The following LRRC4C variants were observed in gnomAD, a reference collection of about 807,000 sequenced individuals.
LRRC4C encodes leucine-rich repeat-containing protein 4C.
In LRRC4C, 5 loss-of-function variants were observed where a neutral mutation model predicts 33.6. The observed-to-expected ratio is 0.15, with a 90% confidence interval of 0.08 to 0.31. The LOEUF is 0.31. LRRC4C is among the 10% of genes least tolerant of loss of function. The probability of loss-of-function intolerance (pLI) is 1.00; values close to 1 mark genes in which losing one functional copy is unlikely to be tolerated. For missense variants in LRRC4C, 560 were observed against 796.7 expected (o/e 0.70, Z 3.58); for synonymous variants, 329 against 302.0 (o/e 1.09, Z -0.93).
chr11:40,593,158 C>T (rs1959135606), intron 3 of LRRC4C, among the ~76,000 whole-genome samples: 1 of 152,114 alleles, frequency 6.6e-6, no homozygotes, highest in Non-Finnish European at 1.5e-5. Flanking sequence ...GAGAGAGATG[C>T]TATGTAAATA....
At chr11:40,482,904 T>C (rs866094296) in intron 3 of LRRC4C, among the ~76,000 whole-genome samples, 18 of 152,338 alleles carry the variant, frequency 1.2e-4, no homozygotes, top group Non-Finnish European at 4.4e-5. Context: ...AGAGTAAATG[T>C]ACCTTCAATG....
intron 2 of LRRC4C, among the ~76,000 whole-genome samples, chr11:40,749,019 G>A (rs368354205): frequency 1.2e-4 from 18 of 151,976 alleles, no homozygotes; most frequent in East Asian, 5.8e-4. Flanking sequence ...GAGAGAGAGC[G>A]ACTGCAATGG....
chr11:41,176,942 G>T (rs535952723), intron 1 of LRRC4C, among the ~76,000 whole-genome samples: 18 of 152,108 alleles, frequency 1.2e-4, no homozygotes, highest in African/African-American at 4.1e-4. Flanking sequence ...TCCAGCCTGG[G>T]CGACAGAGTA....
intron 3 of LRRC4C, among the ~76,000 whole-genome samples, chr11:40,382,601 T>C (rs1948927088): frequency 6.6e-6 from 1 of 151,658 alleles, no homozygotes; most frequent in African/African-American, 2.4e-5. Context: ...ACGCAAGTAT[T>C]AAGTATAGCA....
At chr11:40,509,548 T>G (rs1314761209) in intron 3 of LRRC4C, among the ~76,000 whole-genome samples, 2 of 152,094 alleles carry the variant, frequency 1.3e-5, no homozygotes, top group East Asian at 3.9e-4. Context: ...GAAAGTCTAT[T>G]TTCACTTGTC....
At chr11:40,387,276 G>T (rs922217967) in intron 3 of LRRC4C, among the ~76,000 whole-genome samples, 1 of 151,772 alleles carries the variant, frequency 6.6e-6, no homozygotes, top group Non-Finnish European at 1.5e-5. Context: ...GATTTGAATG[G>T]GTTACCACTC....
intron 4 of LRRC4C, among the ~76,000 whole-genome samples, chr11:40,256,574 A>C (rs1180535850): frequency 6.6e-6 from 1 of 152,182 alleles, no homozygotes; most frequent in Non-Finnish European, 1.5e-5. Flanking sequence ...GAATGAATGA[A>C]CCAATAAATA....
intron 3 of LRRC4C, among the ~76,000 whole-genome samples, chr11:40,463,138 C>T (rs940472841): frequency 4.6e-5 from 7 of 151,990 alleles, no homozygotes; most frequent in Admixed American, 2.0e-4. Context: ...GATAAATTCT[C>T]GCAAGTTGCT....
At chr11:40,547,219 C>T (rs1956958968) in intron 3 of LRRC4C, among the ~76,000 whole-genome samples, 1 of 152,098 alleles carries the variant, frequency 6.6e-6, no homozygotes, top group African/African-American at 2.4e-5. Context: ...GTTATTTTGT[C>T]ACTGGCACCT....
intron 2 of LRRC4C, among the ~76,000 whole-genome samples, chr11:40,697,943 C>T (rs1194890940): frequency 6.6e-6 from 1 of 151,760 alleles, no homozygotes; most frequent in Non-Finnish European, 1.5e-5. Flanking sequence ...TGGCGGGCGC[C>T]TGTAGTCCCA....
At chr11:40,211,577 A>G (rs1023645460) in intron 5 of LRRC4C, among the ~76,000 whole-genome samples, 2 of 152,198 alleles carry the variant, frequency 1.3e-5, no homozygotes, top group Non-Finnish European at 2.9e-5. Context: ...ATTGTGTCCA[A>G]AGGTCATATT....
intron 1 of LRRC4C, among the ~76,000 whole-genome samples, chr11:41,138,842 T>C (rs995254082): frequency 1.3e-5 from 2 of 152,192 alleles, no homozygotes; most frequent in Non-Finnish European, 2.9e-5. Flanking sequence ...ATAAGAATAC[T>C]ATTTCCCAAG....
intron 1 of LRRC4C, among the ~76,000 whole-genome samples, chr11:41,006,831 T>G (rs2137463845): frequency 6.6e-6 from 1 of 152,308 alleles, no homozygotes; most frequent in South Asian, 2.1e-4. Context: ...ATGCACAAAT[T>G]CATATTTTCA....
chr11:40,723,348 G>A (rs1319704734), intron 2 of LRRC4C, among the ~76,000 whole-genome samples: 1 of 151,836 alleles, frequency 6.6e-6, no homozygotes, highest in Non-Finnish European at 1.5e-5. Flanking sequence ...ATTCTAAAAG[G>A]CAGCTAGAGA....
intron 1 of LRRC4C, among the ~76,000 whole-genome samples, chr11:41,313,196 G>C (rs1362639508): frequency 6.6e-6 from 1 of 152,162 alleles, no homozygotes; most frequent in African/African-American, 2.4e-5. Context: ...TGTATTCAAA[G>C]AAATGGGAGT....
intron 1 of LRRC4C, among the ~76,000 whole-genome samples, chr11:41,183,835 T>C (rs1175390188): frequency 1.3e-5 from 2 of 152,194 alleles, no homozygotes; most frequent in Non-Finnish European, 2.9e-5. Flanking sequence ...CAGCAAACTT[T>C]TGCCTGGACA....
intron 1 of LRRC4C, among the ~76,000 whole-genome samples, chr11:41,407,011 G>A (rs774115479): frequency 5.0e-4 from 76 of 152,040 alleles, no homozygotes; most frequent in Non-Finnish European, 1.2e-4. Context: ...TGTGGTAAAG[G>A]TATTTTTAGA....
chr11:41,437,880 A>G (rs1955485265), intron 1 of LRRC4C, among the ~76,000 whole-genome samples: 1 of 152,046 alleles, frequency 6.6e-6, no homozygotes, highest in African/African-American at 2.4e-5. Flanking sequence ...TCTACTAAAA[A>G]TACAAAAATT....
intron 6 of LRRC4C, among the ~76,000 whole-genome samples, chr11:40,127,547 G>A (rs746452842): frequency 7.9e-5 from 12 of 152,140 alleles, no homozygotes; most frequent in Non-Finnish European, 1.3e-4. Flanking sequence ...AGAAACTTGA[G>A]GCTTTTAAGC....
Sources: gnomAD v4.1 joint callset for allele counts (sites outside exome capture counted in the v4.1 genomes callset) on GRCh38, gnomAD v4.1.1 for gene constraint, MANE v1.5 for transcripts, NCBI Gene and HGNC (gene_info 2026-07-23, HGNC 2026-07-21) for gene names.